The following FGF14 variants were observed in gnomAD, a reference collection of about 807,000 sequenced individuals.
FGF14 encodes the protein fibroblast growth factor homologous factor 4.
In FGF14, 5 loss-of-function variants were observed where a neutral mutation model predicts 25.5. That is an observed-to-expected ratio of 0.20 (90% CI 0.10 to 0.41). FGF14 has a LOEUF of 0.41. FGF14 is among the 10% of genes least tolerant of loss of function. FGF14 has a pLI of 1.00. For synonymous variants in FGF14, 138 were observed against 118.3 expected (o/e 1.17, Z -1.08); for missense variants, 222 against 320.1 (o/e 0.69, Z 2.34).
At chr13:101,992,639 G>C (rs1354877892) in intron 1 of FGF14, among the ~76,000 whole-genome samples, 1 of 151,906 alleles carries the variant, frequency 6.6e-6, no homozygotes, top group Non-Finnish European at 1.5e-5. Context: ...ATTCCAAAAA[G>C]AATCAAAAGG....
intron 1 of FGF14, among the ~76,000 whole-genome samples, chr13:102,237,181 T>G (rs2051366538): frequency 6.6e-6 from 1 of 152,108 alleles, no homozygotes; most frequent in Non-Finnish European, 1.5e-5. Context: ...ATCTCAACAC[T>G]CCCACTCACC....
At chr13:101,777,411 A>T (rs879228238) in intron 3 of FGF14, among the ~76,000 whole-genome samples, 2 of 152,132 alleles carry the variant, frequency 1.3e-5, no homozygotes, top group Admixed American at 1.3e-4. Context: ...TCTTGGTAAT[A>T]TCATAATTTG....
At chr13:102,167,120 G>C (rs2048046272) in intron 1 of FGF14, among the ~76,000 whole-genome samples, 1 of 151,866 alleles carries the variant, frequency 6.6e-6, no homozygotes, top group African/African-American at 2.4e-5. Context: ...GGCCAACATG[G>C]TGAAACCCAA....
In FGF14 at chr13:101,715,465, G is replaced by A. The variant is rs759767646; in HGVS notation, c.*7366C>T. On this transcript the variant is annotated 3_prime_UTR_variant, in exon 5 of 5. Transcript: ENST00000376143. ...ATAAGAAAATCTACCAAGGATGAAT[G>A]AAATGATTTCATTGTGGACACTTGT... 5 of 850,948 alleles carry A rather than the reference G, an allele frequency of 5.9e-6. No homozygotes were observed. Among genetic ancestry groups the A allele is most frequent in the Non-Finnish European group, 1.0e-5 (5 of 497,614 alleles). The allele number at this position is 850,948 out of a possible 1,614,324, so 52.7% of individuals were successfully genotyped here.
At chr13:101,742,215 T>C (rs2036599606) in intron 3 of FGF14, among the ~76,000 whole-genome samples, 1 of 152,182 alleles carries the variant, frequency 6.6e-6, no homozygotes, top group Non-Finnish European at 1.5e-5. Flanking sequence ...ACCTGATGCA[T>C]GCAGGGCTTA....
chr13:102,199,326 C>A (rs1227965459), intron 1 of FGF14, among the ~76,000 whole-genome samples: 2 of 152,150 alleles, frequency 1.3e-5, no homozygotes, highest in Non-Finnish European at 2.9e-5. Flanking sequence ...TTTCCTTCTA[C>A]CACTTTACCT....
chr13:102,054,473 C>A (rs773449936), intron 1 of FGF14, among the ~76,000 whole-genome samples: 1 of 152,134 alleles, frequency 6.6e-6, no homozygotes, highest in Non-Finnish European at 1.5e-5. Context: ...GCATACTTAG[C>A]CACAGAATTA....
chr13:101,926,254 G>A (rs1594748613), intron 1 of FGF14, among the ~76,000 whole-genome samples: 1 of 152,042 alleles, frequency 6.6e-6, no homozygotes, highest in African/African-American at 2.4e-5. Context: ...ACTTACCCAC[G>A]CCCCTCTGAT....
At chr13:101,947,818 C>G (rs1012560529) in intron 1 of FGF14, among the ~76,000 whole-genome samples, 3 of 152,052 alleles carry the variant, frequency 2.0e-5, no homozygotes, top group Admixed American at 2.0e-4. Flanking sequence ...ACATGTACCC[C>G]TTATGTCTAA....
chr13:101,957,871 ACTT>A (rs1165734635), intron 1 of FGF14, among the ~76,000 whole-genome samples: 2 of 152,158 alleles, frequency 1.3e-5, no homozygotes, highest in Non-Finnish European at 2.9e-5. Context: ...AAAGGCAGTT[ACTT>A]CTTATCCATC....
chr13:101,761,954 G>A (rs1158930329), intron 3 of FGF14, among the ~76,000 whole-genome samples: 1 of 152,092 alleles, frequency 6.6e-6, no homozygotes, highest in Non-Finnish European at 1.5e-5. Flanking sequence ...GTTAGAATTG[G>A]ACAGGAACCA....
intron 1 of FGF14, among the ~76,000 whole-genome samples, chr13:102,379,482 G>A (rs2058128655): frequency 6.6e-6 from 1 of 151,256 alleles, no homozygotes; most frequent in Non-Finnish European, 1.5e-5. Context: ...ATATGGGTGT[G>A]TGTATATATA....
chr13:102,057,257 T>C (rs2042473722), intron 1 of FGF14, among the ~76,000 whole-genome samples: 1 of 152,206 alleles, frequency 6.6e-6, no homozygotes, highest in Non-Finnish European at 1.5e-5. Flanking sequence ...TCACCTTTAG[T>C]ACTTTGCTAA....
chr13:101,739,562 G>A (rs1031907552), intron 3 of FGF14, among the ~76,000 whole-genome samples: 6 of 152,116 alleles, frequency 3.9e-5, no homozygotes, highest in Non-Finnish European at 5.9e-5. Flanking sequence ...TAAGAGCAGC[G>A]TGAAGAATAT....
At chr13:101,740,891 T>C (rs1422900226) in intron 3 of FGF14, among the ~76,000 whole-genome samples, 2 of 152,212 alleles carry the variant, frequency 1.3e-5, no homozygotes, top group Admixed American at 6.5e-5. Flanking sequence ...AAACCACATA[T>C]TGTTAGTTGC....
chr13:102,318,954 T>G (rs150426795), intron 1 of FGF14, among the ~76,000 whole-genome samples: 36 of 152,172 alleles, frequency 2.4e-4, no homozygotes, highest in African/African-American at 5.5e-4. Context: ...AGTGAAGAAG[T>G]CTTTAACTTG....
intron 1 of FGF14, among the ~76,000 whole-genome samples, chr13:102,150,138 C>T (rs531989059): frequency 5.9e-5 from 9 of 152,206 alleles, no homozygotes; most frequent in African/African-American, 2.2e-4. Context: ...GTCTCAGTTC[C>T]ACCAGCTCCA....
intron 3 of FGF14, among the ~76,000 whole-genome samples, chr13:101,758,296 C>A (rs909237065): frequency 1.3e-5 from 2 of 152,174 alleles, no homozygotes; most frequent in Non-Finnish European, 2.9e-5. Context: ...CTTTAGCATG[C>A]ATCAGAATCA....
intron 3 of FGF14, among the ~76,000 whole-genome samples, chr13:101,862,102 A>C (rs1465626090): frequency 6.6e-6 from 1 of 152,088 alleles, no homozygotes; most frequent in African/African-American, 2.4e-5. Flanking sequence ...CTGAGCTTTA[A>C]GAGGGATGGT....
Sources: allele counts gnomAD v4.1 joint callset (sites outside exome capture counted in the v4.1 genomes callset), GRCh38; gene constraint gnomAD v4.1.1; transcripts MANE v1.5; gene names NCBI Gene and HGNC (gene_info 2026-07-23, HGNC 2026-07-21).